The following VAT1L variants were observed in gnomAD, a reference collection of about 807,000 sequenced individuals.
The protein encoded by VAT1L is putative NADPH-dependent quinone oxidoreductase VAT1L.
In VAT1L, 34 loss-of-function variants were observed where a neutral mutation model predicts 44.1. The observed-to-expected ratio is 0.77, with a 90% CI of 0.59 to 1.03. VAT1L has a LOEUF of 1.03. Ranked by LOEUF, VAT1L falls within the 50% of genes least tolerant of loss-of-function variation. The pLI, the probability that VAT1L is intolerant of heterozygous loss-of-function variation, is 0.00. For synonymous variants in VAT1L, 253 were observed against 202.2 expected (o/e 1.25, Z -2.13); for missense variants, 615 against 538.8 (o/e 1.14, Z -1.40).
chr16:77,865,005 G>A (rs986693857), intron 4 of VAT1L, among the ~76,000 whole-genome samples: 32 of 123,912 alleles, frequency 2.6e-4, no homozygotes, highest in African/African-American at 8.3e-4. Context: ...ACGGAGTCTC[G>A]CTCTGTCACC....
At chr16:77,826,206 C>CAA in intron 3 of VAT1L, among the ~76,000 whole-genome samples, 1 of 128,222 alleles carries the variant, frequency 7.8e-6, no homozygotes, top group South Asian at 2.6e-4. Flanking sequence ...GACTCCGTCT[C>CAA]AAAAAAAAAA....
rs563721951 is a variant in VAT1L at position 77,944,984 on chromosome 16, G to C, written c.1078-26866G>C. On this transcript the variant is annotated intron_variant, in intron 7 of 8. Coordinates refer to ENST00000302536, the MANE Select transcript of VAT1L (RefSeq NM_020927.3). ...TCATCCATGGGATAATTTCTTTAAAGCCTGCATGGAATCCCAGATAATGAA... is the reference window on the plus strand; with the variant it reads ...TCATCCATGGGATAATTTCTTTAAACCCTGCATGGAATCCCAGATAATGAA... Among the ~76,000 whole-genome samples, 6 of 152,256 alleles carry C rather than the reference G, an allele frequency of 3.9e-5. No individual in the cohort carries two copies. The South Asian group carries it at 1.2e-3, about 32-fold the overall frequency.
At chr16:77,795,029 G>C (rs964460248) in intron 1 of VAT1L, among the ~76,000 whole-genome samples, 1 of 152,102 alleles carries the variant, frequency 6.6e-6, no homozygotes, top group African/African-American at 2.4e-5. Flanking sequence ...TATCTCATGA[G>C]AACAAAGAAA....
rs2017121611 is a variant in VAT1L, at chr16:77,879,159, T to C, written c.827-10T>C. Reference sequence around the variant, plus strand: ...AGCAATTGCTTAATGTGGGAATCTTTCATTTTCAGGCTCATCCAACATGGT... The same window carrying C: ...AGCAATTGCTTAATGTGGGAATCTTCCATTTTCAGGCTCATCCAACATGGT... On this transcript the variant is annotated splice_polypyrimidine_tract_variant and intron_variant, in intron 5 of 8. Coordinates refer to ENST00000302536, the MANE Select transcript of VAT1L (RefSeq NM_020927.3). The surrounding 1 kb of genome is among the most constrained non-coding windows in gnomAD (Gnocchi z 4.1). 2 of 1,614,008 alleles carry C rather than the reference T, an allele frequency of 1.2e-6. No individual in the cohort carries two copies. The highest frequency in any genetic ancestry group is 8.5e-7 in the Non-Finnish European group (1 of 1,179,954).
intron 3 of VAT1L, among the ~76,000 whole-genome samples, chr16:77,845,040 C>T (rs1212796833): frequency 6.6e-6 from 1 of 152,184 alleles, no homozygotes; most frequent in Non-Finnish European, 1.5e-5. Flanking sequence ...AAATTGCAAA[C>T]ATCCCAGACA....
intron 7 of VAT1L, among the ~76,000 whole-genome samples, chr16:77,912,506 C>T (rs548465455): frequency 6.6e-6 from 1 of 152,250 alleles, no homozygotes; most frequent in Admixed American, 6.5e-5. Context: ...CAGCCTCAAC[C>T]TCCCAGGCTC....
intron 3 of VAT1L, among the ~76,000 whole-genome samples, chr16:77,833,579 A>C (rs1365013368): frequency 6.6e-6 from 1 of 151,976 alleles, no homozygotes; most frequent in Non-Finnish European, 1.5e-5. Flanking sequence ...GGTGAAACCC[A>C]GTCTCTACTA....
chr16:77,861,898 A>T (rs559123094), intron 3 of VAT1L, among the ~76,000 whole-genome samples: 2 of 152,346 alleles, frequency 1.3e-5, no homozygotes, highest in Non-Finnish European at 2.9e-5. Context: ...CACATGGTAG[A>T]TATGGCCTTG....
chr16:77,948,365 C>G (rs781214093), intron 7 of VAT1L, among the ~76,000 whole-genome samples: 2 of 152,168 alleles, frequency 1.3e-5, no homozygotes, highest in Non-Finnish European at 2.9e-5. Flanking sequence ...TTGAACTTCT[C>G]TAACACCTAA....
intron 7 of VAT1L, among the ~76,000 whole-genome samples, chr16:77,937,343 T>G (rs2017814024): frequency 1.3e-5 from 2 of 152,192 alleles, no homozygotes; most frequent in Admixed American, 6.5e-5. Context: ...TAACTCACAG[T>G]GAGCCGCCGT....
At chr16:77,807,640 C>T (rs1302321055) in intron 1 of VAT1L, among the ~76,000 whole-genome samples, 1 of 152,180 alleles carries the variant, frequency 6.6e-6, no homozygotes, top group Non-Finnish European at 1.5e-5. Context: ...CCCAGGGAAC[C>T]TGACCTATGG....
chr16:77,823,915 T>C (rs926435629), intron 2 of VAT1L, among the ~76,000 whole-genome samples: 1 of 151,960 alleles, frequency 6.6e-6, no homozygotes, highest in African/African-American at 2.4e-5. Context: ...CCGAGCTACT[T>C]GGGAGGCTGA....
chr16:77,811,026 T>C (rs1163090998), intron 1 of VAT1L, among the ~76,000 whole-genome samples: 1 of 152,190 alleles, frequency 6.6e-6, no homozygotes, highest in East Asian at 1.9e-4. Context: ...GGATTTCTAT[T>C]GAGTATAATA....
At chr16:77,915,358 A>G (rs779812146) in intron 7 of VAT1L, among the ~76,000 whole-genome samples, 19 of 152,250 alleles carry the variant, frequency 1.2e-4, no homozygotes, top group African/African-American at 4.6e-4. Flanking sequence ...TTTTTCAGAG[A>G]GTCAGTTATT....
chr16:77,945,048 A>G (rs951179326), intron 7 of VAT1L, among the ~76,000 whole-genome samples: 8 of 152,158 alleles, frequency 5.3e-5, no homozygotes, highest in Non-Finnish European at 1.2e-4. Context: ...ATGGTACAAA[A>G]ACCTGTCGGT....
At chr16:77,965,470 T>A (rs1256955789) in intron 7 of VAT1L, among the ~76,000 whole-genome samples, 3 of 152,180 alleles carry the variant, frequency 2.0e-5, no homozygotes, top group East Asian at 3.9e-4. Flanking sequence ...GCTTAGAATG[T>A]TGGCATCTTG....
At chr16:77,862,647 A>AT in intron 3 of VAT1L, 101 bp from the exon 4 acceptor site, 3 of 990,338 alleles carry the variant, frequency 3.0e-6, no homozygotes, top group Non-Finnish European at 4.3e-6. Context: ...AAAAAAAAAA[A>AT]GTCAATAGTG....
At chr16:77,801,475 T>C (rs895889853) in intron 1 of VAT1L, 1 of 152,132 alleles carries the variant, frequency 6.6e-6, no homozygotes, top group African/African-American at 2.4e-5. Flanking sequence ...AGGCCTGTAT[T>C]CTCCAACTCA....
intron 7 of VAT1L, among the ~76,000 whole-genome samples, chr16:77,905,847 C>G (rs2142480270): frequency 6.6e-6 from 1 of 152,326 alleles, no homozygotes; most frequent in Admixed American, 6.5e-5. Flanking sequence ...GAGTCAATAG[C>G]TACTGCATCT....
Sources: gnomAD v4.1 joint callset for allele counts (sites outside exome capture counted in the v4.1 genomes callset) on GRCh38, gnomAD v4.1.1 for gene constraint, Gnocchi (gnomAD v3.1) non-coding constraint, MANE v1.5 for transcripts, NCBI Gene and HGNC (gene_info 2026-07-23, HGNC 2026-07-21) for gene names.